AURKC: variants seen among roughly 807,000 people sequenced by gnomAD.
AURKC encodes the protein aurora kinase C.
AURKC carries 15 observed loss-of-function variants against 29.2 expected under a neutral mutation model. That is an observed-to-expected ratio of 0.51 (90% CI 0.34 to 0.79). The LOEUF is 0.79. AURKC is among the 30% of genes least tolerant of loss of function. The pLI, the probability that AURKC is intolerant of heterozygous loss-of-function variation, is 0.01. For synonymous variants in AURKC, 150 were observed against 149.9 expected (o/e 1.00, Z -0.01); for missense variants, 332 against 383.2 (o/e 0.87, Z 1.12).
In AURKC at chr19:57,231,082, G is replaced by C; in HGVS notation, c.-167G>C. 1.2e-5 allele frequency: 18 copies of C among 1,492,918 alleles called. No individual in the cohort carries two copies. Among genetic ancestry groups the C allele is most frequent in the Admixed American group, 2.0e-5 (1 of 50,924 alleles). The allele number at this position is 1,492,918 out of a possible 1,614,324, so 92.5% of individuals were successfully genotyped here. A position where few individuals can be genotyped will look rare whatever the true frequency, so the allele number is the denominator to read the frequency against. On this transcript the variant is annotated 5_prime_UTR_variant, in exon 1 of 7. Transcript: ENST00000302804. ...CAGCCACGGCTGCTCACGACGCCGC[G>C]GATCCCGAAGCCTGTGTAGCAGTGA...
At position 57,232,283 on chromosome 19, in the gene AURKC, A is replaced by C; in HGVS notation, c.296+59A>C. On this transcript the variant is annotated intron_variant, in intron 3 of 6. Transcript: ENST00000302804. The surrounding 1 kb of genome is among the most constrained non-coding windows in gnomAD (Gnocchi z 4.5). ...GACGTCTGAGCCCAGCATTTTCCCCAAATACTAACCCCAAGTAAACCCTGC... is the reference window on the plus strand; with the variant it reads ...GACGTCTGAGCCCAGCATTTTCCCCCAATACTAACCCCAAGTAAACCCTGC... The C allele has an allele frequency of 6.3e-7, 1 of 1,594,438 alleles. No homozygotes were observed. The highest frequency in any genetic ancestry group is 8.5e-7 in the Non-Finnish European group (1 of 1,170,240).
At chr19:57,231,891 C>G (rs1017842761) in intron 2 of AURKC, 104 bp downstream of exon 2, 1 of 1,605,642 alleles carries the variant, frequency 6.2e-7, no homozygotes, top group African/African-American at 1.3e-5. Flanking sequence ...ACGAGAACTA[C>G]TGATAGGGCT....
At chr19:57,234,808 T>C in intron 5 of AURKC, 76 bp from the exon 6 acceptor site, 2 of 1,580,654 alleles carry the variant, frequency 1.3e-6, no homozygotes, top group Non-Finnish European at 8.7e-7. Flanking sequence ...CACATCTCAA[T>C]GAAAGCTGGG....
rs962269884 is a variant in AURKC, at chr19:57,231,089, G to A, written c.-160G>A. On this transcript the variant is annotated 5_prime_UTR_variant, in exon 1 of 7. Transcript: ENST00000302804. ...GGCTGCTCACGACGCCGCGGATCCCGAAGCCTGTGTAGCAGTGAGACATCA... is the reference window on the plus strand; with the variant it reads ...GGCTGCTCACGACGCCGCGGATCCCAAAGCCTGTGTAGCAGTGAGACATCA... The A allele has an allele frequency of 2.6e-6, 4 of 1,512,180 alleles. No individual in the cohort carries two copies. In the African/African-American group the frequency reaches 4.1e-5, roughly 16 times the overall value. 93.7% of individuals were successfully genotyped at this position (1,512,180 alleles called of 1,614,324 possible). A position where few individuals can be genotyped will look rare whatever the true frequency, so the allele number is the denominator to read the frequency against.
intron 1 of AURKC, 28 bp from the exon 2 acceptor site, chr19:57,231,714 C>T: frequency 1.2e-6 from 2 of 1,613,208 alleles, no homozygotes; most frequent in African/African-American, 1.3e-5. Flanking sequence ...CTCTCCCTTC[C>T]TATCTCCCTC....
intron 6 of AURKC, 85 bp from the exon 7 acceptor site, chr19:57,235,162 C>T (rs977768339): frequency 8.1e-6 from 13 of 1,608,384 alleles, no homozygotes; most frequent in Middle Eastern, 1.7e-4. Context: ...TCCAGAACAG[C>T]GCCTTAACAA....
rs2087499001 is a variant in AURKC, at chr19:57,232,109, CG to C, written c.183del (p.Leu62SerfsTer10). ...GAAATTTGGGAATGTGTACCTGGCT[CG>C]GCTCAAGGAAAGCCATTTCATTGTG... is the stretch of plus-strand genomic sequence containing the variant. ...KGKFGNVYLA[R>X]LKESHFIVAL... is the part of the protein sequence containing the mutation. On this transcript the variant is annotated frameshift_variant, in exon 3 of 7. Coordinates refer to ENST00000302804, the MANE Select transcript of AURKC (RefSeq NM_001015878.2). LOFTEE classifies it high-confidence loss of function. The surrounding 1 kb of genome is among the most constrained non-coding windows in gnomAD (Gnocchi z 4.5). 1 of 1,613,930 alleles carries C rather than the reference CG, an allele frequency of 6.2e-7. No homozygotes were observed. The highest frequency in any genetic ancestry group is 8.5e-7 in the Non-Finnish European group (1 of 1,180,012).
rs2122803161 is a variant in AURKC, at chr19:57,232,346, T to G, written c.296+122T>G. 2 of 1,406,708 alleles carry G rather than the reference T, an allele frequency of 1.4e-6. No individual in the cohort carries two copies. Among genetic ancestry groups the G allele is most frequent in the South Asian group, 2.4e-5 (2 of 84,120 alleles). 87.1% of individuals were successfully genotyped at this position (1,406,708 alleles called of 1,614,324 possible). A position where few individuals can be genotyped will look rare whatever the true frequency, so the allele number is the denominator to read the frequency against. ...AAGACTTCTCTGCAGTTCATTCCAT[T>G]TACACTACCTCCTACCCTGGGTCAG... On this transcript the variant is annotated intron_variant, in intron 3 of 6. Coordinates refer to ENST00000302804, the MANE Select transcript of AURKC (RefSeq NM_001015878.2). This position sits in a 1 kb window ranked among gnomAD's most constrained non-coding sequence, Gnocchi z 4.5.
At chr19:57,233,354 A>T (rs1236191329) in intron 4 of AURKC, 106 bp from the exon 5 acceptor site, 1 of 1,538,992 alleles carries the variant, frequency 6.5e-7, no homozygotes, top group Non-Finnish European at 9.0e-7. Context: ...GAGTTACTGG[A>T]CCAAAAAGAT....
chr19:57,233,552 CA>C lies in AURKC; in HGVS notation c.529del (p.Arg177GlyfsTer4). 6.2e-7 allele frequency: 1 copy of C among 1,614,102 alleles called. No individual in the cohort carries two copies. Among genetic ancestry groups the C allele is most frequent in the Non-Finnish European group, 8.5e-7 (1 of 1,180,024 alleles). On this transcript the variant is annotated frameshift_variant, in exon 5 of 7. Transcript: ENST00000302804. LOFTEE classifies it high-confidence loss of function. ...IKPENLLLGF[R>X]GEVKIADFGW... ...AGCCAGAGAACCTGCTGCTGGGGTT[CA>C]GGGGTGAGGTGAAGATTGCAGATTT...
At chr19:57,231,924 C>G in intron 2 of AURKC, 109 bp from the exon 3 acceptor site, 1 of 1,600,808 alleles carries the variant, frequency 6.2e-7, no homozygotes, top group Middle Eastern at 1.7e-4. Context: ...GAAGGGAAAG[C>G]GGCAGAGGAA....
Position 57,235,073 on chromosome 19 carries a change from T to C in AURKC, c.759+15T>C. The C allele has an allele frequency of 1.2e-6, 2 of 1,614,052 alleles. No individual in the cohort carries two copies. The highest frequency in any genetic ancestry group is 1.7e-6 in the Non-Finnish European group (2 of 1,180,032). ...GCATCCTCAAGGTGGGACAGTCACC[T>C]TTGGGCATTCATGGGGGAGCTGGTC... On this transcript the variant is annotated intron_variant, in intron 6 of 6. Transcript: ENST00000302804.
In AURKC at chr19:57,232,464, G is replaced by T; in HGVS notation, c.297-78G>T. On this transcript the variant is annotated intron_variant, in intron 3 of 6. Coordinates refer to ENST00000302804, the MANE Select transcript of AURKC (RefSeq NM_001015878.2). This position sits in a 1 kb window ranked among gnomAD's most constrained non-coding sequence, Gnocchi z 4.5. ...CTGGTCCCAGCATAATTTGCCACTT[G>T]TGTGACCAGGCAGTGACGGTGGCAT... 1 of 1,604,870 alleles carries T rather than the reference G, an allele frequency of 6.2e-7. No homozygotes were observed. Among genetic ancestry groups the T allele is most frequent in the Non-Finnish European group, 8.5e-7 (1 of 1,173,768 alleles).
At chr19:57,231,700 T>A in intron 1 of AURKC, 42 bp from the exon 2 acceptor site, 4 of 1,600,772 alleles carry the variant, frequency 2.5e-6, no homozygotes, top group Non-Finnish European at 3.4e-6. Context: ...TCTCCTTCCC[T>A]CCCCTCTCCC....
At chr19:57,231,485 C>T (rs1432808976) in intron 1 of AURKC, 179 bp downstream of exon 1, 2 of 777,500 alleles carry the variant, frequency 2.6e-6, no homozygotes, top group Non-Finnish European at 4.3e-6. Context: ...CTCCCCTACT[C>T]TCTCCTCCCC....
intron 6 of AURKC, 80 bp downstream of exon 6, chr19:57,235,138 G>A (rs2087533984): frequency 1.4e-5 from 23 of 1,607,430 alleles, no homozygotes; most frequent in Middle Eastern, 3.5e-4. Context: ...CACACACAGG[G>A]TTGTCTTCTG....
intron 5 of AURKC, 61 bp from the exon 6 acceptor site, chr19:57,234,823 G>T (rs2087529958): frequency 2.5e-6 from 4 of 1,603,144 alleles, no homozygotes; most frequent in Non-Finnish European, 3.4e-6. Flanking sequence ...GCTGGGGAAG[G>T]AGAATTTCCC....
rs757362645 is a variant in AURKC, at chr19:57,232,267, G to T, written c.296+43G>T. On this transcript the variant is annotated intron_variant, in intron 3 of 6. Transcript: ENST00000302804. This position sits in a 1 kb window ranked among gnomAD's most constrained non-coding sequence, Gnocchi z 4.5. ...TTCCTCTTTCATCTTTGACGTCTGA[G>T]CCCAGCATTTTCCCCAAATACTAAC... 3 of 1,607,792 alleles carry T rather than the reference G, an allele frequency of 1.9e-6. No homozygotes were observed. Among genetic ancestry groups the T allele is most frequent in the East Asian group, 2.2e-5 (1 of 44,846 alleles).
intron 1 of AURKC, 123 bp from the exon 2 acceptor site, chr19:57,231,619 C>CCCTTCTTCCCCTCA: frequency 4.7e-6 from 5 of 1,054,888 alleles, no homozygotes; most frequent in Admixed American, 2.0e-5. Context: ...TTCTCTCCTC[C>CCCTTCTTCCCCTCA]CCTTCTTCCC....
Sources: allele counts gnomAD v4.1 joint callset, GRCh38; gene constraint gnomAD v4.1.1; non-coding constraint Gnocchi (gnomAD v3.1); transcripts MANE v1.5; gene names NCBI Gene and HGNC (gene_info 2026-07-23, HGNC 2026-07-21).